The following GRIA1 variants were observed in gnomAD, a reference collection of about 807,000 sequenced individuals.
The protein encoded by GRIA1 is glutamate receptor 1.
GRIA1 carries 31 observed loss-of-function variants against 99.2 expected under a neutral mutation model. That is an observed-to-expected ratio of 0.31 (90% CI 0.23 to 0.42). The LOEUF (loss-of-function observed/expected upper bound fraction) is 0.42, where lower values mean the gene tolerates loss of function less well. Ranked by LOEUF, GRIA1 falls within the 10% of genes least tolerant of loss-of-function variation. GRIA1 has a pLI of 1.00. For missense variants in GRIA1, 782 were observed against 1,157.5 expected, an observed-to-expected ratio of 0.68 and a Z score of 4.71; for synonymous variants, 438 against 432.4, an observed-to-expected ratio of 1.01 and a Z score of -0.16.
chr5:153,565,240 G>C (rs1296783012), intron 2 of GRIA1, among the ~76,000 whole-genome samples: 23 of 152,092 alleles, frequency 1.5e-4, no homozygotes. Flanking sequence ...TTTTGGTTCA[G>C]GTATTCTTAT....
chr5:153,759,340 G>C (rs939095711), intron 11 of GRIA1, among the ~76,000 whole-genome samples: 2 of 151,532 alleles, frequency 1.3e-5, no homozygotes, highest in Non-Finnish European at 3.0e-5. Flanking sequence ...TAAGAGAAAT[G>C]ACTCAAATAA....
At chr5:153,497,165 T>C (rs1372244654) in intron 2 of GRIA1, among the ~76,000 whole-genome samples, 1 of 152,176 alleles carries the variant, frequency 6.6e-6, no homozygotes, top group Non-Finnish European at 1.5e-5. Context: ...TCTGCCATTG[T>C]TAAAGAGTAA....
chr5:153,689,224 A>G (rs1441703542), intron 8 of GRIA1, among the ~76,000 whole-genome samples: 1 of 152,068 alleles, frequency 6.6e-6, no homozygotes, highest in East Asian at 1.9e-4. Context: ...AACTGCTGGT[A>G]TCACCTCCTG....
chr5:153,717,790 C>T (rs1327832576), intron 11 of GRIA1, among the ~76,000 whole-genome samples: 2 of 152,202 alleles, frequency 1.3e-5, no homozygotes, highest in Non-Finnish European at 2.9e-5. Flanking sequence ...CACATTCTAA[C>T]TTCTGGGATT....
At chr5:153,516,189 C>T (rs1024809817) in intron 2 of GRIA1, among the ~76,000 whole-genome samples, 6 of 152,142 alleles carry the variant, frequency 3.9e-5, no homozygotes, top group African/African-American at 9.7e-5. Context: ...CACTGCACTC[C>T]AGCCTGGGCA....
At chr5:153,784,638 C>A (rs1303387593) in intron 13 of GRIA1, among the ~76,000 whole-genome samples, 2 of 151,616 alleles carry the variant, frequency 1.3e-5, no homozygotes, top group Non-Finnish European at 2.9e-5. Context: ...ATTGAGGCTC[C>A]TGATATAACC....
intron 11 of GRIA1, among the ~76,000 whole-genome samples, chr5:153,746,585 A>G (rs1762176481): frequency 6.6e-6 from 1 of 152,204 alleles, no homozygotes; most frequent in African/African-American, 2.4e-5. Flanking sequence ...TGGCCCACTG[A>G]GGCAGAGACC....
intron 11 of GRIA1, among the ~76,000 whole-genome samples, chr5:153,737,273 G>A (rs1006501834): frequency 7.9e-5 from 11 of 139,442 alleles, no homozygotes; most frequent in African/African-American, 2.7e-4. Flanking sequence ...TTCTGGGGAC[G>A]TGTCTGGCAA....
intron 11 of GRIA1, among the ~76,000 whole-genome samples, chr5:153,709,844 G>T (rs546012706): frequency 1.3e-5 from 2 of 152,214 alleles, no homozygotes; most frequent in South Asian, 4.1e-4. Flanking sequence ...TGGCAAGAGA[G>T]GCTGAGAAGG....
Position 153,677,005 on chromosome 5 carries a change from G to C in GRIA1, c.873G>C (p.Ala291=), listed in dbSNP as rs749706041. 9.4e-6 allele frequency: 14 copies of C among 1,492,022 alleles called. No individual in the cohort carries two copies. Among genetic ancestry groups the C allele is most frequent in the African/African-American group, 1.4e-5 (1 of 71,128 alleles). 92.4% of individuals were successfully genotyped at this position (1,492,022 alleles called of 1,614,324 possible). A position where few individuals can be genotyped will look rare whatever the true frequency, so the allele number is the denominator to read the frequency against. ...ATTCCTCCCACTAGTACACCTCTGC[G>C]CTCACCTACGATGGGGTGAAGGTGA... ...VDWKRPKYTS[A]LTYDGVKVMA... is the part of the protein sequence containing the mutation. The change falls in exon 7 of 16, where the codon GCG becomes GCC. Residue 291 remains alanine (A), a synonymous_variant. Transcript: ENST00000285900.
intron 15 of GRIA1, 68 bp downstream of exon 15, chr5:153,802,558 C>T: frequency 1.3e-6 from 2 of 1,529,004 alleles, no homozygotes; most frequent in Non-Finnish European, 9.1e-7. Flanking sequence ...CTGGGAGTCC[C>T]TTTGCTAGAA....
chr5:153,564,397 G>A (rs936568329), intron 2 of GRIA1, among the ~76,000 whole-genome samples: 1 of 152,238 alleles, frequency 6.6e-6, no homozygotes, highest in East Asian at 1.9e-4. Flanking sequence ...AGATTTTTGT[G>A]TATTATTTAC....
chr5:153,610,318 G>C (rs17114874), intron 2 of GRIA1, among the ~76,000 whole-genome samples: 20,399 of 152,188 alleles, frequency 0.13, 2,445 homozygotes, highest in East Asian at 0.64. Context: ...AGAAAATGAG[G>C]TAGGATGTTC....
At chr5:153,775,788 C>T (rs1385092579) in intron 13 of GRIA1, among the ~76,000 whole-genome samples, 1 of 146,512 alleles carries the variant, frequency 6.8e-6, no homozygotes, top group African/African-American at 2.6e-5. Flanking sequence ...TCAACGTTTG[C>T]GTGGTAGGAT....
intron 2 of GRIA1, among the ~76,000 whole-genome samples, chr5:153,571,701 TCTC>T (rs1762134010): frequency 2.0e-5 from 3 of 152,140 alleles, no homozygotes; most frequent in Admixed American, 2.0e-4. Flanking sequence ...ATATGATACT[TCTC>T]CTAACACCAT....
chr5:153,547,445 T>A (rs1322886580), intron 2 of GRIA1, among the ~76,000 whole-genome samples: 3 of 152,186 alleles, frequency 2.0e-5, no homozygotes, highest in Non-Finnish European at 4.4e-5. Context: ...TAGCTGACCC[T>A]TAATAAATAA....
chr5:153,738,884 G>C (rs981666186), intron 11 of GRIA1, among the ~76,000 whole-genome samples: 6 of 151,572 alleles, frequency 4.0e-5, no homozygotes, highest in African/African-American at 1.5e-4. Context: ...CACCACGTCC[G>C]GCTAATTTTG....
intron 2 of GRIA1, among the ~76,000 whole-genome samples, chr5:153,533,081 C>A (rs1195464357): frequency 1.3e-5 from 2 of 152,044 alleles, no homozygotes; most frequent in Admixed American, 6.6e-5. Flanking sequence ...TGATACAAAC[C>A]CCCATATTCA....
At chr5:153,802,621 C>A in intron 15 of GRIA1, 131 bp downstream of exon 15, 1 of 910,024 alleles carries the variant, frequency 1.1e-6, no homozygotes, top group Non-Finnish European at 1.8e-6. Flanking sequence ...AAGCAGGAAG[C>A]TGTTACGAGG....
Sources: gnomAD v4.1 joint callset for allele counts (sites outside exome capture counted in the v4.1 genomes callset) on GRCh38, gnomAD v4.1.1 for gene constraint, MANE v1.5 for transcripts, NCBI Gene and HGNC (gene_info 2026-07-23, HGNC 2026-07-21) for gene names.